Variants in NKAIN3 observed in about 807,000 individuals in gnomAD.
NKAIN3 encodes sodium/potassium transporting ATPase interacting 3.
NKAIN3 carries 25 observed loss-of-function variants against 30.2 expected under a neutral mutation model. That is an observed-to-expected ratio of 0.83 (90% CI 0.60 to 1.16). The LOEUF is 1.16. Among genes scored for constraint, NKAIN3 ranks in the 50% most tolerant of loss-of-function variants. NKAIN3 has a pLI of 0.00. For missense variants in NKAIN3, 225 were observed against 254.1 expected (o/e 0.89, Z 0.78); for synonymous variants, 91 against 89.6 (o/e 1.02, Z -0.09).
chr8:62,320,509 C>T (rs1460418192), intron 1 of NKAIN3, among the ~76,000 whole-genome samples: 2 of 152,042 alleles, frequency 1.3e-5, no homozygotes, highest in Admixed American at 1.3e-4. Context: ...CCTTCAGGAG[C>T]TCTTTTAGGG....
Position 62,965,670 on chromosome 8 carries a change from A to G in NKAIN3, c.*263A>G, listed in dbSNP as rs574344498. 9.7e-5 allele frequency: 95 copies of G among 980,948 alleles called. No homozygotes were observed. The Middle Eastern group carries it at 2.6e-3, about 27-fold the overall frequency. The allele number at this position is 980,948 out of a possible 1,614,324, so 60.8% of individuals were successfully genotyped here. A position where few individuals can be genotyped will look rare whatever the true frequency, so the allele number is the denominator to read the frequency against. On this transcript the variant is annotated 3_prime_UTR_variant, in exon 7 of 7. Coordinates refer to ENST00000623646, the MANE Select transcript of NKAIN3 (RefSeq NM_001304533.3). Reference sequence around the variant, plus strand: ...AGAATTTGGTTTTAAATTTTTAACAATATTTAATGTGAGGCATGCAAAATG... The same window carrying G: ...AGAATTTGGTTTTAAATTTTTAACAGTATTTAATGTGAGGCATGCAAAATG...
At chr8:62,694,773 A>G (rs908509148) in intron 3 of NKAIN3, among the ~76,000 whole-genome samples, 1 of 152,146 alleles carries the variant, frequency 6.6e-6, no homozygotes, top group African/African-American at 2.4e-5. Flanking sequence ...AAAACCAAAT[A>G]TTATCTCATA....
At chr8:62,779,439 A>G (rs1057122288) in intron 4 of NKAIN3, among the ~76,000 whole-genome samples, 4 of 152,018 alleles carry the variant, frequency 2.6e-5, no homozygotes, top group South Asian at 2.1e-4. Context: ...TGCTCCCTAC[A>G]TGGTGTCAGC....
rs528508049 is a variant in NKAIN3, at chr8:62,345,257, A to G, written c.54+96130A>G. ...AAAATATGTACATGTGGGTATATAT[A>G]TACACACACACACACACATATACAC... On this transcript the variant is annotated intron_variant, in intron 1 of 6. Transcript: ENST00000623646. Among the ~76,000 whole-genome samples the G allele has an allele frequency of 2.3e-4, 11 of 46,978 alleles. No individual in the cohort carries two copies. The East Asian group carries it at 9.9e-3, about 42-fold the overall frequency. The allele number at this position is 46,978 out of a possible 152,430, so 30.8% of individuals were successfully genotyped here.
At position 62,327,673 on chromosome 8, in the gene NKAIN3, T is replaced by A. The variant is rs546937380; in HGVS notation, c.54+78546T>A. 1.4e-3 allele frequency among the ~76,000 whole-genome samples: 216 copies of A among 152,224 alleles called. 1 individual carries two copies. Among genetic ancestry groups the A allele is most frequent in the African/African-American group, 5.0e-3 (207 of 41,580 alleles). On this transcript the variant is annotated intron_variant, in intron 1 of 6. Transcript: ENST00000623646. ...ACATCTGCTTTTATGCCAAATGCAC[T>A]GTTTTGATTACCATAGCTTTGTAGT...
chr8:62,415,305 T>C (rs1043876703), intron 1 of NKAIN3, among the ~76,000 whole-genome samples: 1 of 145,554 alleles, frequency 6.9e-6, no homozygotes, highest in African/African-American at 2.5e-5. Flanking sequence ...TTTATATATA[T>C]CTACTTAATA....
rs971569280 is a variant in NKAIN3, at chr8:62,690,286, A to G, written c.274-56646A>G. On this transcript the variant is annotated intron_variant, in intron 3 of 6. Coordinates refer to ENST00000623646, the MANE Select transcript of NKAIN3 (RefSeq NM_001304533.3). ...ATGCACCAATTACAGGGCTTCTTAC[A>G]ACGGGGCCCCGTGCCCCTGGACCAG... Among the ~76,000 whole-genome samples the G allele has an allele frequency of 5.3e-5, 8 of 152,192 alleles. No homozygotes were observed. In the South Asian group the frequency reaches 1.7e-3, roughly 32 times the overall value.
chr8:62,668,636 A>T (rs932848056), intron 3 of NKAIN3, among the ~76,000 whole-genome samples: 20 of 152,182 alleles, frequency 1.3e-4, no homozygotes, highest in African/African-American at 4.8e-4. Context: ...TTACAAAATT[A>T]ACACCACATC....
intron 4 of NKAIN3, among the ~76,000 whole-genome samples, chr8:62,813,522 A>C (rs1554580725): frequency 6.9e-6 from 1 of 144,208 alleles, no homozygotes; most frequent in Non-Finnish European, 1.5e-5. Context: ...TTATTAATCC[A>C]TTTGGCCAGT....
intron 1 of NKAIN3, among the ~76,000 whole-genome samples, chr8:62,577,618 A>G (rs1810157967): frequency 6.6e-6 from 1 of 150,768 alleles, no homozygotes; most frequent in African/African-American, 2.4e-5. Flanking sequence ...CCCTATAAAT[A>G]AAATGCTGCA....
chr8:62,933,472 G>A (rs1209874355), intron 5 of NKAIN3, among the ~76,000 whole-genome samples: 1 of 152,112 alleles, frequency 6.6e-6, no homozygotes, highest in Non-Finnish European at 1.5e-5. Context: ...AAGAAAAAAT[G>A]TATTACATAG....
At chr8:62,806,469 T>C (rs550729535) in intron 4 of NKAIN3, among the ~76,000 whole-genome samples, 31 of 152,230 alleles carry the variant, frequency 2.0e-4, no homozygotes, top group African/African-American at 6.5e-4. Context: ...GAATACTATG[T>C]AGCCATAAAA....
Position 62,614,927 on chromosome 8 carries a change from G to T in NKAIN3, c.273+25133G>T, listed in dbSNP as rs542829704. On this transcript the variant is annotated intron_variant, in intron 3 of 6. Coordinates refer to ENST00000623646, the MANE Select transcript of NKAIN3 (RefSeq NM_001304533.3). The stretch of plus-strand genomic sequence containing the variant: ...TCCCCTCTGGCCCAGGGCAGGTCCA[G>T]AAATGCTATTTAGGAGTCAATTCCT... Among the ~76,000 whole-genome samples the T allele has an allele frequency of 1.1e-4, 17 of 152,282 alleles. No individual in the cohort carries two copies. In the South Asian group the frequency reaches 2.5e-3, roughly 22 times the overall value.
At chr8:62,560,347 A>G (rs1009014192) in intron 1 of NKAIN3, among the ~76,000 whole-genome samples, 1 of 151,804 alleles carries the variant, frequency 6.6e-6, no homozygotes, top group Non-Finnish European at 1.5e-5. Flanking sequence ...TTCCTCAGGT[A>G]TTTTTTAGCC....
chr8:62,560,048 G>C (rs1017798427), intron 1 of NKAIN3, among the ~76,000 whole-genome samples: 1 of 151,980 alleles, frequency 6.6e-6, no homozygotes, highest in African/African-American at 2.4e-5. Flanking sequence ...AGGATACTTG[G>C]TAAACAGTTT....
At chr8:62,516,623 A>G (rs1484751947) in intron 1 of NKAIN3, among the ~76,000 whole-genome samples, 2 of 152,134 alleles carry the variant, frequency 1.3e-5, no homozygotes, top group Non-Finnish European at 2.9e-5. Context: ...AATCCCACCC[A>G]TGAACAAAAC....
At chr8:62,631,943 T>C (rs984571616) in intron 3 of NKAIN3, among the ~76,000 whole-genome samples, 1 of 152,192 alleles carries the variant, frequency 6.6e-6, no homozygotes, top group Non-Finnish European at 1.5e-5. Context: ...TCTATCACAA[T>C]GTCTGATTCA....
chr8:62,606,150 C>A lies in NKAIN3; in HGVS notation c.273+16356C>A, dbSNP rs936253460. On this transcript the variant is annotated intron_variant, in intron 3 of 6. Coordinates refer to ENST00000623646, the MANE Select transcript of NKAIN3 (RefSeq NM_001304533.3). ...CCTCTTTTCTCAGATTGTCCTTTGGCAAGCACATATTAAAGAGAGAACCTC... is the reference window on the plus strand; with the variant it reads ...CCTCTTTTCTCAGATTGTCCTTTGGAAAGCACATATTAAAGAGAGAACCTC... 3.3e-5 allele frequency among the ~76,000 whole-genome samples: 5 copies of A among 152,032 alleles called. No homozygotes were observed. The East Asian group carries it at 9.7e-4, about 29-fold the overall frequency.
intron 1 of NKAIN3, among the ~76,000 whole-genome samples, chr8:62,309,084 A>G (rs1814346762): frequency 6.6e-6 from 1 of 150,518 alleles, no homozygotes; most frequent in Admixed American, 6.6e-5. Context: ...TTTAAGACTG[A>G]AAATATCTAT....
Sources: gnomAD v4.1 joint callset for allele counts (sites outside exome capture counted in the v4.1 genomes callset) on GRCh38, gnomAD v4.1.1 for gene constraint, MANE v1.5 for transcripts, NCBI Gene and HGNC (gene_info 2026-07-23, HGNC 2026-07-21) for gene names.